The following SLC7A8 variants were observed in gnomAD, a reference collection of about 807,000 sequenced individuals.
SLC7A8 encodes the protein large neutral amino acids transporter small subunit 2.
A neutral mutation model predicts 51.2 loss-of-function variants in SLC7A8; 30 were observed. The observed-to-expected ratio is 0.59, with a 90% confidence interval of 0.44 to 0.80. The LOEUF is 0.80. SLC7A8 is among the 30% of genes least tolerant of loss of function. The probability of loss-of-function intolerance (pLI) is 0.00; values close to 1 mark genes in which losing one functional copy is unlikely to be tolerated. For missense variants in SLC7A8, 612 were observed against 674.4 expected (o/e 0.91, Z 1.03); for synonymous variants, 257 against 275.8 (o/e 0.93, Z 0.67).
At chr14:23,164,449 T>C (rs998579187) in intron 3 of SLC7A8, among the ~76,000 whole-genome samples, 1 of 152,238 alleles carries the variant, frequency 6.6e-6, no homozygotes, top group Admixed American at 6.5e-5. Context: ...GGCTCTCTGT[T>C]TCCTTATCTG....
chr14:23,139,299 C>A, intron 6 of SLC7A8, 125 bp downstream of exon 6: 1 of 1,462,972 alleles, frequency 6.8e-7, no homozygotes, highest in Non-Finnish European at 9.5e-7. Flanking sequence ...TGGTTTCTGC[C>A]CTGAGAACTT....
At chr14:23,167,151 C>G in intron 1 of SLC7A8, among the ~76,000 whole-genome samples, 1 of 152,140 alleles carries the variant, frequency 6.6e-6, no homozygotes. Flanking sequence ...ACATGACGGC[C>G]CCACCCTTGG....
At position 23,136,720 on chromosome 14, in the gene SLC7A8, C is replaced by T. The variant is rs145859664; in HGVS notation, c.1016+1201G>A. Among the ~76,000 whole-genome samples, 530 of 152,298 alleles carry T rather than the reference C, an allele frequency of 3.5e-3. 2 individuals are homozygous for T. Among genetic ancestry groups the T allele is most frequent in the African/African-American group, 9.8e-3 (406 of 41,560 alleles). ...ACGACTAGACCACATGCACGCAGAC[C>T]GCTGCTAGGCCTGCCTGAGGGACAA... On this transcript the variant is annotated intron_variant, in intron 7 of 10. Transcript: ENST00000316902.
At chr14:23,155,077 G>GT in intron 3 of SLC7A8, 1 of 1,177,574 alleles carries the variant, frequency 8.5e-7, no homozygotes, top group Non-Finnish European at 1.2e-6. Flanking sequence ...AAAGTGCACA[G>GT]TGGGGAGTGT....
At chr14:23,159,147 A>T (rs2048908836) in intron 3 of SLC7A8, among the ~76,000 whole-genome samples, 1 of 152,192 alleles carries the variant, frequency 6.6e-6, no homozygotes, top group African/African-American at 2.4e-5. Context: ...ATCTTTTCTA[A>T]GACTCTATAA....
chr14:23,132,795 C>T (rs528863566), intron 7 of SLC7A8, among the ~76,000 whole-genome samples: 7 of 152,216 alleles, frequency 4.6e-5, no homozygotes, highest in South Asian at 2.1e-4. Flanking sequence ...GCCACCACAC[C>T]CAGCTAATTT....
chr14:23,143,687 TAC>T (rs2048765703), intron 3 of SLC7A8, among the ~76,000 whole-genome samples: 1 of 152,238 alleles, frequency 6.6e-6, no homozygotes, highest in Non-Finnish European at 1.5e-5. Context: ...TTTTAAAGTG[TAC>T]AGTTTGATGA....
chr14:23,160,319 C>T (rs2048914603), intron 3 of SLC7A8, among the ~76,000 whole-genome samples: 1 of 152,162 alleles, frequency 6.6e-6, no homozygotes, highest in Middle Eastern at 3.2e-3. Flanking sequence ...CAGCTGTAAT[C>T]CCAGCACTTT....
chr14:23,169,025 C>T (rs544640557), intron 1 of SLC7A8, among the ~76,000 whole-genome samples: 1 of 152,204 alleles, frequency 6.6e-6, no homozygotes, highest in South Asian at 2.1e-4. Flanking sequence ...GGTTTCTGCC[C>T]CCAAAACCTT....
In SLC7A8 at chr14:23,128,319, T is replaced by A. The variant is rs1210465448; in HGVS notation, c.1264-123A>T. ...ACATCCTCAAGGGCAAAGGCTGGGC[T>A]TCCCTCGGCTCTGTGGTCCCACACT... On this transcript the variant is annotated intron_variant, in intron 9 of 10. Coordinates refer to ENST00000316902, the MANE Select transcript of SLC7A8 (RefSeq NM_012244.4). This position sits in a 1 kb window ranked among gnomAD's most constrained non-coding sequence, Gnocchi z 4.3. 6.5e-7 allele frequency: 1 copy of A among 1,545,686 alleles called. No homozygotes were observed. The highest frequency in any genetic ancestry group is 2.0e-5 in the Admixed American group (1 of 51,128).
chr14:23,129,536 C>T (rs1341656755), intron 9 of SLC7A8, 114 bp downstream of exon 9: 1 of 1,256,060 alleles, frequency 8.0e-7, no homozygotes, highest in Non-Finnish European at 1.1e-6. Flanking sequence ...GGTCTGCTAC[C>T]ATCAGAGATG....
chr14:23,158,515 TTTGTA>T (rs200568010), intron 3 of SLC7A8, among the ~76,000 whole-genome samples: 2,368 of 152,286 alleles, frequency 0.016, 73 homozygotes, highest in African/African-American at 0.055. Context: ...CCAGCTAATT[TTTGTA>T]TTTTTAGTAG....
In SLC7A8 at chr14:23,128,081, A is replaced by C; in HGVS notation, c.1379T>G (p.Val460Gly). The change falls in exon 10 of 11, where the codon GTG becomes GGG. Residue 460 changes from valine to glycine, a missense_variant. Physicochemically the swap from Val to Gly is moderately radical, Grantham distance 109. Transcript: ENST00000316902. The surrounding 1 kb of genome is among the most constrained non-coding windows in gnomAD (Gnocchi z 4.3). ...GTAAACACCCAGGAAATAGACAGGCACTCCTGTCAGCATGATGGCCAGGCC... is the reference window on the plus strand; with the variant it reads ...GTAAACACCCAGGAAATAGACAGGCCCTCCTGTCAGCATGATGGCCAGGCC... ...GIGLAIMLTG[V>G]PVYFLGVYWQ... 1 of 1,613,992 alleles carries C rather than the reference A, an allele frequency of 6.2e-7. No individual in the cohort carries two copies. Among genetic ancestry groups the C allele is most frequent in the Non-Finnish European group, 8.5e-7 (1 of 1,179,988 alleles).
rs149022437 is a variant in SLC7A8 at position 23,152,780 on chromosome 14, G to T, written c.509-9576C>A. Among the ~76,000 whole-genome samples, 64 of 152,256 alleles carry T rather than the reference G, an allele frequency of 4.2e-4. No individual in the cohort carries two copies. The East Asian group carries it at 0.01, about 25-fold the overall frequency. On this transcript the variant is annotated intron_variant, in intron 3 of 10. Coordinates refer to ENST00000316902, the MANE Select transcript of SLC7A8 (RefSeq NM_012244.4). ...GCTTCTCATTGAGCTGGGCCAGCAG[G>T]GGGTCATTTTGTGCCTCCCTCAGGG...
intron 1 of SLC7A8, among the ~76,000 whole-genome samples, chr14:23,181,740 C>CT (rs1877193108): frequency 6.6e-6 from 1 of 152,214 alleles, no homozygotes; most frequent in East Asian, 1.9e-4. Flanking sequence ...TCCTGCACTC[C>CT]TTTTTCTGGG....
intron 3 of SLC7A8, among the ~76,000 whole-genome samples, chr14:23,159,637 T>C (rs1480402481): frequency 6.6e-5 from 10 of 152,222 alleles, no homozygotes; most frequent in Admixed American, 6.5e-4. Context: ...GAAAGACTAT[T>C]GAATGCTCTG....
intron 7 of SLC7A8, among the ~76,000 whole-genome samples, chr14:23,132,783 G>A (rs1193987390): frequency 1.3e-5 from 2 of 152,030 alleles, no homozygotes; most frequent in Non-Finnish European, 2.9e-5. Flanking sequence ...TTACAGGCAT[G>A]CGCCACCACA....
chr14:23,181,729 G>A (rs1250526920), intron 1 of SLC7A8, among the ~76,000 whole-genome samples: 23 of 152,318 alleles, frequency 1.5e-4, no homozygotes, highest in South Asian at 2.1e-4. Context: ...ATGCCTGACC[G>A]TCCTGCACTC....
At chr14:23,161,886 C>T (rs961214644) in intron 3 of SLC7A8, among the ~76,000 whole-genome samples, 5 of 141,432 alleles carry the variant, frequency 3.5e-5, no homozygotes, top group African/African-American at 8.0e-5. Flanking sequence ...AAGATGGCGC[C>T]ACTACACTCC....
Sources: gnomAD v4.1 joint callset for allele counts (sites outside exome capture counted in the v4.1 genomes callset) on GRCh38, gnomAD v4.1.1 for gene constraint, Gnocchi (gnomAD v3.1) non-coding constraint, MANE v1.5 for transcripts, NCBI Gene and HGNC (gene_info 2026-07-23, HGNC 2026-07-21) for gene names.